The following TENM1 variants were observed in gnomAD, a reference collection of about 807,000 sequenced individuals.
TENM1 encodes the protein teneurin-1.
A neutral mutation model predicts 174.8 loss-of-function variants in TENM1; 35 were observed. The observed-to-expected ratio is 0.20, with a 90% CI of 0.15 to 0.27. The LOEUF is 0.27. TENM1 is among the 10% of genes least tolerant of loss of function. The pLI, the probability that TENM1 is intolerant of heterozygous loss-of-function variation, is 1.00. For synonymous variants in TENM1, 781 were observed against 798.7 expected (o/e 0.98, Z 0.37); for missense variants, 1,633 against 2,130.1 (o/e 0.77, Z 4.59).
chrX:124,792,411 G>T (rs989032443), intron 3 of TENM1, among the ~76,000 whole-genome samples: 1 of 111,481 alleles, frequency 9.0e-6, no homozygotes, highest in African/African-American at 3.3e-5. Context: ...ACATTCATCC[G>T]AAGTATTCTT....
the TENM1 span, among the ~76,000 whole-genome samples, chrX:125,002,256 T>C: frequency 2.7e-5 from 3 of 111,560 alleles, no homozygotes; most frequent in African/African-American, 9.8e-5. Flanking sequence ...TGGGCTCCTA[T>C]AGCACCCTGG....
chrX:124,930,447 A>G (rs1430463498), intron 1 of TENM1, among the ~76,000 whole-genome samples: 2 of 111,690 alleles, frequency 1.8e-5, no homozygotes, highest in Non-Finnish European at 3.8e-5. Flanking sequence ...CTCTCACTAT[A>G]TCTTTCCAAC....
chrX:124,530,823 C>T (rs2048088472), intron 15 of TENM1, among the ~76,000 whole-genome samples: 1 of 112,272 alleles, frequency 8.9e-6, no homozygotes, highest in Non-Finnish European at 1.9e-5. Context: ...TTAAACTAGT[C>T]CCTAAATAGG....
the TENM1 span, among the ~76,000 whole-genome samples, chrX:125,162,301 C>G: frequency 8.9e-6 from 1 of 112,072 alleles, no homozygotes; most frequent in Non-Finnish European, 1.9e-5. Flanking sequence ...TTTCCCATTT[C>G]TTTTTACTTT....
chrX:124,915,947 C>G (rs1231535668), intron 1 of TENM1, among the ~76,000 whole-genome samples: 1 of 112,250 alleles, frequency 8.9e-6, no homozygotes, highest in African/African-American at 3.2e-5. Flanking sequence ...CTGCTGCTAT[C>G]CCAACTGCAC....
At chrX:124,527,697 G>A (rs2048008783) in intron 16 of TENM1, among the ~76,000 whole-genome samples, 1 of 99,902 alleles carries the variant, frequency 1.0e-5, no homozygotes, top group African/African-American at 3.7e-5. Flanking sequence ...TGCCCAGGCT[G>A]GAGTAACGTG....
chrX:124,518,050 A>T (rs1003318022), intron 18 of TENM1, among the ~76,000 whole-genome samples: 3 of 110,392 alleles, frequency 2.7e-5, no homozygotes, highest in Non-Finnish European at 5.7e-5. Context: ...GAGTTAAGAG[A>T]ATTATCAAGG....
chrX:124,814,248 GGACAAAATA>G lies in TENM1; in HGVS notation c.536-77060_536-77052del, dbSNP rs767332121. Among the ~76,000 whole-genome samples, 5 of 111,591 alleles carry G rather than the reference GGACAAAATA, an allele frequency of 4.5e-5. No homozygotes were observed. The South Asian group carries it at 1.9e-3, about 42-fold the overall frequency. ...GTGCCTAACTTACTAGGCTATGTTAGGACAAAATAGACATAATGGATAATGTGTTTGGAA... is the reference window on the plus strand; with the variant it reads ...GTGCCTAACTTACTAGGCTATGTTAGGACATAATGGATAATGTGTTTGGAA... On this transcript the variant is annotated intron_variant, in intron 3 of 31. Coordinates refer to ENST00000422452, the Ensembl canonical transcript of TENM1.
intron 11 of TENM1, among the ~76,000 whole-genome samples, chrX:124,572,201 G>A (rs957084630): frequency 3.6e-5 from 4 of 111,283 alleles, no homozygotes; most frequent in South Asian, 3.8e-4. Context: ...ACACACATGC[G>A]TACACCAGTA....
intron 5 of TENM1, 43 bp downstream of exon 8, chrX:124,704,970 C>A (rs376375273): frequency 5.2e-4 from 559 of 1,076,510 alleles, no homozygotes; most frequent in Non-Finnish European, 7.0e-4. Context: ...CAAAACAAGA[C>A]TTTGATTAAG....
chrX:124,523,031 A>G (rs771154554), intron 17 of TENM1, among the ~76,000 whole-genome samples: 2 of 111,944 alleles, frequency 1.8e-5, no homozygotes, highest in African/African-American at 3.2e-5. Flanking sequence ...AGAACCACAA[A>G]CAGTCCAAGC....
chrX:125,020,859 T>A, the TENM1 span, among the ~76,000 whole-genome samples: 1 of 111,671 alleles, frequency 9.0e-6, no homozygotes, highest in South Asian at 3.7e-4. Context: ...CAGCCTATGT[T>A]GTAAGCTTTT....
chrX:124,706,337 T>C (rs1471835021), intron 4 of TENM1, among the ~76,000 whole-genome samples: 1 of 112,517 alleles, frequency 8.9e-6, no homozygotes, highest in Admixed American at 9.4e-5. Context: ...TAATAAAATG[T>C]GCAGTTTTAT....
the TENM1 span, among the ~76,000 whole-genome samples, chrX:125,193,589 T>C: frequency 9.0e-6 from 1 of 111,287 alleles, no homozygotes; most frequent in Non-Finnish European, 1.9e-5. Flanking sequence ...GCAAATATTA[T>C]ACCATTTTAT....
At chrX:124,475,181 A>G (rs1297514594) in intron 22 of TENM1, among the ~76,000 whole-genome samples, 1 of 110,744 alleles carries the variant, frequency 9.0e-6, no homozygotes, top group Non-Finnish European at 1.9e-5. Flanking sequence ...CACGGAGGCT[A>G]TCAAGATGAA....
At chrX:125,075,073 T>C in the TENM1 span, among the ~76,000 whole-genome samples, 4 of 111,873 alleles carry the variant, frequency 3.6e-5, no homozygotes, top group Admixed American at 9.5e-5. Context: ...GATATTTACA[T>C]TGGATATTTA....
At chrX:124,977,478 A>G in the TENM1 span, among the ~76,000 whole-genome samples, 1 of 111,576 alleles carries the variant, frequency 9.0e-6, no homozygotes, top group South Asian at 3.8e-4. Flanking sequence ...TTTAATTTTC[A>G]TAAATACAAT....
chrX:125,048,578 T>C, the TENM1 span, among the ~76,000 whole-genome samples: 1 of 111,491 alleles, frequency 9.0e-6, no homozygotes, highest in East Asian at 2.8e-4. Flanking sequence ...GATGGTTGCA[T>C]AGTACTGGGC....
intron 1 of TENM1, 67 bp downstream of exon 4, chrX:124,963,470 A>T (rs1297029957): frequency 2.0e-6 from 2 of 987,442 alleles, no homozygotes; most frequent in East Asian, 3.0e-5. Flanking sequence ...TTTGAAACAA[A>T]GTTTATGCAC....
Sources: allele counts gnomAD v4.1 joint callset (sites outside exome capture counted in the v4.1 genomes callset), GRCh38; gene constraint gnomAD v4.1.1; transcripts MANE v1.5; gene names NCBI Gene and HGNC (gene_info 2026-07-23, HGNC 2026-07-21).